Variants in SYT16 observed in about 807,000 individuals in gnomAD.
SYT16 encodes the protein synaptotagmin-16.
Under a neutral mutation model 61.4 loss-of-function variants are expected in SYT16, and 42 were observed. The observed-to-expected ratio is 0.68, with a 90% CI of 0.53 to 0.89. SYT16 has a LOEUF of 0.89. Among genes scored for constraint, SYT16 ranks in the 40% least tolerant of loss-of-function variants. The pLI is 0.00. For synonymous variants in SYT16, 314 were observed against 302.3 expected (o/e 1.04, Z -0.40); for missense variants, 804 against 807.3 (o/e 1.00, Z 0.05).
chr14:61,856,627 T>G (rs2046784214), intron 1 of SYT16, among the ~76,000 whole-genome samples: 1 of 151,870 alleles, frequency 6.6e-6, no homozygotes, highest in Middle Eastern at 3.2e-3. Flanking sequence ...GATCAGGAAT[T>G]TCGTTTTGGG....
intron 1 of SYT16, among the ~76,000 whole-genome samples, chr14:61,962,587 A>G (rs1237719025): frequency 6.6e-6 from 1 of 151,918 alleles, no homozygotes; most frequent in Non-Finnish European, 1.5e-5. Flanking sequence ...TATTTCCTTA[A>G]ATATACTCTT....
At chr14:61,877,771 C>T (rs151228534) in intron 1 of SYT16, among the ~76,000 whole-genome samples, 34 of 152,254 alleles carry the variant, frequency 2.2e-4, no homozygotes, top group Admixed American at 1.0e-3. Flanking sequence ...CCTTGGTCTT[C>T]AGTTTGGGTG....
At chr14:61,945,418 A>T (rs2050383421) in intron 1 of SYT16, among the ~76,000 whole-genome samples, 1 of 152,228 alleles carries the variant, frequency 6.6e-6, no homozygotes. Flanking sequence ...TCATTGTACT[A>T]TAAAGACACA....
At chr14:62,046,516 G>T (rs1195607818) in intron 3 of SYT16, among the ~76,000 whole-genome samples, 2 of 152,128 alleles carry the variant, frequency 1.3e-5, no homozygotes, top group African/African-American at 4.8e-5. Flanking sequence ...TTTTAGACAT[G>T]AAGTCCTTGC....
chr14:61,920,968 A>G (rs1410068185), intron 1 of SYT16, among the ~76,000 whole-genome samples: 1 of 152,210 alleles, frequency 6.6e-6, no homozygotes, highest in African/African-American at 2.4e-5. Flanking sequence ...TTAAGCAACT[A>G]AAGAGCCTCA....
intron 3 of SYT16, among the ~76,000 whole-genome samples, chr14:62,010,513 A>G (rs1016843662): frequency 6.6e-6 from 1 of 152,088 alleles, no homozygotes; most frequent in South Asian, 2.1e-4. Context: ...GTGTTTTGGT[A>G]TTCGATTGAT....
intron 2 of SYT16, among the ~76,000 whole-genome samples, chr14:61,985,054 G>T (rs1007583157): frequency 6.6e-6 from 1 of 151,996 alleles, no homozygotes; most frequent in African/African-American, 2.4e-5. Flanking sequence ...ATCCCAAGAG[G>T]ATCTGATTAT....
At chr14:61,813,948 GT>G (rs1156748828) in intron 1 of SYT16, among the ~76,000 whole-genome samples, 3 of 152,032 alleles carry the variant, frequency 2.0e-5, no homozygotes, top group African/African-American at 7.2e-5. Context: ...GAGAGCTTGA[GT>G]TTTTGTAGTC....
rs368252258 is a variant in SYT16, at chr14:62,035,625, G to C, written c.524-33978G>C. Among the ~76,000 whole-genome samples the C allele has an allele frequency of 1.8e-3, 278 of 152,284 alleles. 5 individuals carry two copies. In the South Asian group the frequency reaches 0.055, roughly 30 times the overall value. On this transcript the variant is annotated intron_variant, in intron 3 of 7. Transcript: ENST00000683842. ...GCACAGAGCTCTTGCTTACCAATGG[G>C]TGTTGTTCCACGCATTGCTTTGTAA...
chr14:62,072,199 T>C (rs138187227), intron 4 of SYT16, among the ~76,000 whole-genome samples: 2 of 152,342 alleles, frequency 1.3e-5, no homozygotes, highest in East Asian at 3.9e-4. Flanking sequence ...GGATATTTCC[T>C]ACAAGCTAGA....
chr14:62,070,899 A>G (rs979156706), intron 4 of SYT16, among the ~76,000 whole-genome samples: 1 of 152,186 alleles, frequency 6.6e-6, no homozygotes, highest in Admixed American at 6.5e-5. Context: ...GAGGGTGCAG[A>G]AATTGAGAGA....
At chr14:62,080,760 A>G in intron 5 of SYT16, 74 bp from the exon 6 acceptor site, 1 of 1,449,416 alleles carries the variant, frequency 6.9e-7, no homozygotes, top group East Asian at 2.5e-5. Context: ...AGGAGCACAA[A>G]GGGGCACCAA....
chr14:62,071,846 C>G (rs2140947160), intron 4 of SYT16, among the ~76,000 whole-genome samples: 1 of 152,290 alleles, frequency 6.6e-6, no homozygotes, highest in Middle Eastern at 3.4e-3. Flanking sequence ...AGGGCCAAAT[C>G]TAAGTAAAAT....
intron 1 of SYT16, among the ~76,000 whole-genome samples, chr14:61,876,956 T>C (rs892904283): frequency 6.6e-6 from 1 of 152,244 alleles, no homozygotes; most frequent in African/African-American, 2.4e-5. Flanking sequence ...GTTCACCTAC[T>C]GGTTATCCAA....
intron 1 of SYT16, among the ~76,000 whole-genome samples, chr14:61,838,482 G>A (rs1012755689): frequency 6.6e-6 from 1 of 152,144 alleles, no homozygotes; most frequent in African/African-American, 2.4e-5. Context: ...TCTACTGTTG[G>A]CTTTCTGGAA....
At chr14:61,917,816 C>T (rs982933969) in intron 1 of SYT16, among the ~76,000 whole-genome samples, 8 of 152,050 alleles carry the variant, frequency 5.3e-5, no homozygotes, top group African/African-American at 1.7e-4. Context: ...CTTTTGGCTT[C>T]TGGAATATTT....
chr14:61,857,778 A>C (rs934387738), intron 1 of SYT16, among the ~76,000 whole-genome samples: 5 of 152,208 alleles, frequency 3.3e-5, no homozygotes, highest in Admixed American at 3.3e-4. Context: ...GTTGGAATCC[A>C]GTGCATAAAT....
At chr14:61,847,366 G>A (rs2046475735) in intron 1 of SYT16, among the ~76,000 whole-genome samples, 1 of 152,068 alleles carries the variant, frequency 6.6e-6, no homozygotes, top group Non-Finnish European at 1.5e-5. Flanking sequence ...CTTTAAATAT[G>A]TCATGCCATT....
intron 2 of SYT16, among the ~76,000 whole-genome samples, chr14:61,991,954 A>G (rs78278002): frequency 0.052 from 2,257 of 43,698 alleles, 22 homozygotes; most frequent in African/African-American, 0.091. Flanking sequence ...TTGTTCGTTC[A>G]TTCATTCATT....
Sources: allele counts gnomAD v4.1 joint callset (sites outside exome capture counted in the v4.1 genomes callset), GRCh38; gene constraint gnomAD v4.1.1; transcripts MANE v1.5; gene names NCBI Gene and HGNC (gene_info 2026-07-23, HGNC 2026-07-21).